ABCA13: variants seen among roughly 807,000 people sequenced by gnomAD.
ABCA13 encodes ATP-binding cassette sub-family A member 13.
Under a neutral mutation model 478.7 loss-of-function variants are expected in ABCA13, and 476 were observed. That is an observed-to-expected ratio of 0.99 (90% CI 0.92 to 1.07). The LOEUF (loss-of-function observed/expected upper bound fraction) is 1.07. ABCA13 is among the 50% of genes least tolerant of loss of function. The pLI is 0.00. For missense variants in ABCA13, 6,060 were observed against 5,910.6 expected (o/e 1.03, Z -0.83); for synonymous variants, 2,252 against 2,158.9 (o/e 1.04, Z -1.20).
At chr7:48,385,050 T>G (rs1306356569) in intron 35 of ABCA13, among the ~76,000 whole-genome samples, 1 of 152,212 alleles carries the variant, frequency 6.6e-6, no homozygotes, top group Non-Finnish European at 1.5e-5. Flanking sequence ...CTTCAACATA[T>G]GAAACCTGCG....
intron 15 of ABCA13, among the ~76,000 whole-genome samples, chr7:48,255,006 C>G (rs1419838973): frequency 2.0e-5 from 3 of 152,156 alleles, no homozygotes; most frequent in Non-Finnish European, 4.4e-5. Flanking sequence ...ACACAAATTC[C>G]CAGTGCCTCA....
intron 41 of ABCA13, among the ~76,000 whole-genome samples, chr7:48,420,783 T>A (rs2129119998): frequency 6.6e-6 from 1 of 151,854 alleles, no homozygotes; most frequent in South Asian, 2.1e-4. Flanking sequence ...AAAAAAGAAT[T>A]GCTGTAAAAT....
At chr7:48,172,797 C>CAAAAAAAAAAA (rs36196847) in intron 1 of ABCA13, among the ~76,000 whole-genome samples, 2 of 75,510 alleles carry the variant, frequency 2.6e-5, no homozygotes, top group Admixed American at 2.0e-4. Flanking sequence ...GACTCCGTCT[C>CAAAAAAAAAAA]AAAAAAAAAA....
intron 1 of ABCA13, among the ~76,000 whole-genome samples, chr7:48,175,605 G>A (rs1343442929): frequency 1.3e-5 from 2 of 152,164 alleles, no homozygotes; most frequent in African/African-American, 4.8e-5. Flanking sequence ...ATTTTTAGTA[G>A]AGATGGAGTT....
chr7:48,378,357 A>G (rs569086028), intron 35 of ABCA13, among the ~76,000 whole-genome samples: 69 of 152,304 alleles, frequency 4.5e-4, no homozygotes, highest in Admixed American at 9.8e-4. Context: ...CTAAAGTTCA[A>G]TGAGGTCAAC....
chr7:48,197,912 A>G (rs1182115281), intron 2 of ABCA13, among the ~76,000 whole-genome samples: 1 of 152,200 alleles, frequency 6.6e-6, no homozygotes, highest in African/African-American at 2.4e-5. Flanking sequence ...GCTTGTTTAC[A>G]GAGAGCGGTG....
intron 15 of ABCA13, among the ~76,000 whole-genome samples, chr7:48,259,568 T>G (rs548032062): frequency 2.0e-5 from 3 of 152,214 alleles, no homozygotes; most frequent in East Asian, 3.9e-4. Flanking sequence ...CTTTGTGTCT[T>G]TTAATTGGAG....
At chr7:48,332,111 A>G (rs185506214) in intron 27 of ABCA13, among the ~76,000 whole-genome samples, 1 of 152,302 alleles carries the variant, frequency 6.6e-6, no homozygotes, top group East Asian at 1.9e-4. Flanking sequence ...ATTCCCTGGT[A>G]TGCATGGTCC....
rs1325774875 is a variant in ABCA13, at chr7:48,520,313, A to G, written c.14051+19A>G. The G allele has an allele frequency of 6.3e-7, 1 of 1,590,092 alleles. No homozygotes were observed. Among genetic ancestry groups the G allele is most frequent in the East Asian group, 2.3e-5 (1 of 44,424 alleles). On this transcript the variant is annotated intron_variant, in intron 53 of 61. Coordinates refer to ENST00000435803, the MANE Select transcript of ABCA13 (RefSeq NM_152701.5). Reference sequence around the variant, plus strand: ...GGCCAAGGTGGGTTCTGAAGGACTCATCCTCGAGCTGCACTTACTCCTGCA... The same window carrying G: ...GGCCAAGGTGGGTTCTGAAGGACTCGTCCTCGAGCTGCACTTACTCCTGCA...
intron 24 of ABCA13, among the ~76,000 whole-genome samples, chr7:48,312,320 T>G (rs1239245934): frequency 6.6e-6 from 1 of 152,206 alleles, no homozygotes; most frequent in Non-Finnish European, 1.5e-5. Flanking sequence ...ATTTCCTCAT[T>G]TATCCATTCA....
At chr7:48,214,365 T>C (rs1786121963) in intron 3 of ABCA13, among the ~76,000 whole-genome samples, 1 of 152,182 alleles carries the variant, frequency 6.6e-6, no homozygotes, top group Non-Finnish European at 1.5e-5. Context: ...ATTTTTGGAA[T>C]GGTAAATAAA....
intron 27 of ABCA13, among the ~76,000 whole-genome samples, chr7:48,328,462 G>A (rs1804666065): frequency 6.6e-6 from 1 of 152,102 alleles, no homozygotes; most frequent in Admixed American, 6.5e-5. Context: ...TTTTACAAGT[G>A]GCCTTGTTTG....
At chr7:48,488,875 A>G (rs1829586259) in intron 47 of ABCA13, among the ~76,000 whole-genome samples, 1 of 152,048 alleles carries the variant, frequency 6.6e-6, no homozygotes, top group Admixed American at 6.5e-5. Context: ...TTTTCTGATA[A>G]TCTTCCACAC....
intron 1 of ABCA13, among the ~76,000 whole-genome samples, chr7:48,187,707 A>AT (rs1043063676): frequency 2.6e-5 from 4 of 151,470 alleles, no homozygotes; most frequent in East Asian, 1.9e-4. Flanking sequence ...CACAGTGATG[A>AT]TTTTTTTGTT....
At chr7:48,294,463 G>C (rs566013764) in intron 20 of ABCA13, among the ~76,000 whole-genome samples, 1 of 139,010 alleles carries the variant, frequency 7.2e-6, no homozygotes. Flanking sequence ...TTTTTGAGAC[G>C]GAGTCTCGCT....
chr7:48,624,340 C>T (rs1033105698), intron 59 of ABCA13, among the ~76,000 whole-genome samples: 1 of 152,062 alleles, frequency 6.6e-6, no homozygotes, highest in Non-Finnish European at 1.5e-5. Context: ...CAGCTGCATG[C>T]GGCATCTATT....
intron 58 of ABCA13, among the ~76,000 whole-genome samples, chr7:48,598,309 C>A (rs1398184912): frequency 2.6e-5 from 4 of 152,112 alleles, no homozygotes; most frequent in Non-Finnish European, 5.9e-5. Flanking sequence ...GGATGTACTA[C>A]AGCTTATTTA....
intron 42 of ABCA13, among the ~76,000 whole-genome samples, chr7:48,441,528 A>G (rs1778562804): frequency 6.6e-6 from 1 of 152,180 alleles, no homozygotes; most frequent in South Asian, 2.1e-4. Flanking sequence ...TATAAAATAT[A>G]TACTTTTTAA....
intron 7 of ABCA13, among the ~76,000 whole-genome samples, chr7:48,232,164 T>TTTTC (rs1554360466): frequency 7.5e-6 from 1 of 132,828 alleles, no homozygotes; most frequent in African/African-American, 2.8e-5. Flanking sequence ...TTTTTTTTTT[T>TTTTC]AGCTTTCTGT....
Sources: gnomAD v4.1 joint callset for allele counts (sites outside exome capture counted in the v4.1 genomes callset) on GRCh38, gnomAD v4.1.1 for gene constraint, MANE v1.5 for transcripts, NCBI Gene and HGNC (gene_info 2026-07-23, HGNC 2026-07-21) for gene names.